Variants in SGCD observed in about 807,000 individuals in gnomAD.
The protein encoded by SGCD is sarcoglycan delta.
SGCD carries 18 observed loss-of-function variants against 36.6 expected under a neutral mutation model. The observed-to-expected ratio is 0.49, with a 90% CI of 0.34 to 0.73. The LOEUF (loss-of-function observed/expected upper bound fraction) is 0.73, where lower values mean the gene tolerates loss of function less well. Ranked by LOEUF, SGCD falls within the 30% of genes least tolerant of loss-of-function variation. The pLI is 0.01. For missense variants in SGCD, 387 were observed against 346.7 expected, an observed-to-expected ratio of 1.12 and a Z score of -0.92; for synonymous variants, 133 against 130.6, an observed-to-expected ratio of 1.02 and a Z score of -0.12.
At chr5:156,063,542 G>C (rs1367610145) in intron 1 of SGCD, among the ~76,000 whole-genome samples, 1 of 122,144 alleles carries the variant, frequency 8.2e-6, no homozygotes, top group Non-Finnish European at 1.7e-5. Flanking sequence ...CCATTTTCAC[G>C]ATATTGATTC....
intron 3 of SGCD, among the ~76,000 whole-genome samples, chr5:156,485,404 T>C (rs1350982609): frequency 1.3e-5 from 2 of 152,342 alleles, no homozygotes; most frequent in Middle Eastern, 3.4e-3. Context: ...GGCTCACACC[T>C]GTAATCCTAG....
chr5:156,267,826 C>G (rs747923616), intron 3 of SGCD, among the ~76,000 whole-genome samples: 1 of 152,124 alleles, frequency 6.6e-6, no homozygotes, highest in Non-Finnish European at 1.5e-5. Flanking sequence ...ATAATTCAAT[C>G]TTTTAGGCTG....
At chr5:156,586,484 T>G (rs1760500497) in intron 4 of SGCD, among the ~76,000 whole-genome samples, 1 of 152,256 alleles carries the variant, frequency 6.6e-6, no homozygotes, top group Admixed American at 6.5e-5. Context: ...ATGAAGATAC[T>G]AGGCACAGAT....
intron 6 of SGCD, among the ~76,000 whole-genome samples, chr5:156,613,907 T>C (rs1021254795): frequency 6.6e-6 from 1 of 152,212 alleles, no homozygotes; most frequent in Non-Finnish European, 1.5e-5. Context: ...TAAATGCATT[T>C]GATCCTCACA....
intron 3 of SGCD, among the ~76,000 whole-genome samples, chr5:156,474,202 G>A (rs911852752): frequency 6.6e-6 from 1 of 152,106 alleles, no homozygotes; most frequent in Non-Finnish European, 1.5e-5. Flanking sequence ...CCACAGGACA[G>A]TCCCCATGAA....
chr5:156,140,990 C>A (rs914857044), intron 3 of SGCD, among the ~76,000 whole-genome samples: 3 of 152,168 alleles, frequency 2.0e-5, no homozygotes, highest in Non-Finnish European at 4.4e-5. Flanking sequence ...AATCTTGAGG[C>A]TTGCTGCCCA....
intron 1 of SGCD, among the ~76,000 whole-genome samples, chr5:156,088,141 A>G (rs1259813484): frequency 1.3e-5 from 2 of 152,128 alleles, no homozygotes; most frequent in East Asian, 1.9e-4. Flanking sequence ...TTGAGGGGCT[A>G]TCTGACTTAA....
Position 156,767,689 on chromosome 5 carries a change from A to C in SGCD, c.*8299A>C, listed in dbSNP as rs1757618989. The C allele has an allele frequency of 6.6e-6, 1 of 152,198 alleles. No homozygotes were observed. The highest frequency in any genetic ancestry group is 6.5e-5 in the Admixed American group (1 of 15,280). The allele number at this position is 152,198 out of a possible 1,614,324, so 9.4% of individuals were successfully genotyped here. On this transcript the variant is annotated 3_prime_UTR_variant, in exon 9 of 9. Coordinates refer to ENST00000337851, the MANE Select transcript of SGCD (RefSeq NM_000337.6). ...CTATGAATTACAAGGAACTATTTTA[A>C]CTTTATTACACTTTCTGTATAAAAA... is the stretch of plus-strand genomic sequence containing the variant.
chr5:156,712,633 T>G (rs153843), intron 7 of SGCD, among the ~76,000 whole-genome samples: 126,692 of 152,126 alleles, frequency 0.83, 52,940 homozygotes, highest in Admixed American at 0.89. Context: ...CAGGAAACAC[T>G]AGAGGCAAGG....
Position 156,020,587 on chromosome 5 carries a change from G to T in SGCD, c.-281-97291G>T, listed in dbSNP as rs114315833. ...TTTATATTGGAGAACTTTGGCAAGG[G>T]TTATCAGTAGGATTAATTACTAGCA... On this transcript the variant is annotated intron_variant, in intron 1 of 9. Transcript: ENST00000517913. Among the ~76,000 whole-genome samples the T allele has an allele frequency of 3.8e-3, 575 of 152,178 alleles. 6 individuals are homozygous for T. Among genetic ancestry groups the T allele is most frequent in the African/African-American group, 0.013 (535 of 41,516 alleles).
intron 3 of SGCD, among the ~76,000 whole-genome samples, chr5:156,387,323 G>A (rs765736713): frequency 2.6e-5 from 4 of 152,146 alleles, no homozygotes; most frequent in Admixed American, 2.0e-4. Context: ...ATTGAACACC[G>A]GATTCAGAAA....
At chr5:156,055,091 G>C (rs1243101578) in intron 1 of SGCD, among the ~76,000 whole-genome samples, 1 of 146,308 alleles carries the variant, frequency 6.8e-6, no homozygotes, top group East Asian at 1.9e-4. Context: ...CAGGTAGTAT[G>C]TGAGAGAAAA....
At chr5:156,259,128 T>TTATG (rs1213097223) in intron 3 of SGCD, among the ~76,000 whole-genome samples, 6 of 150,734 alleles carry the variant, frequency 4.0e-5, no homozygotes, top group African/African-American at 7.3e-5. Flanking sequence ...ATTTATTTAT[T>TTATG]TATTTATTTA....
At chr5:155,967,828 C>T (rs562325294) in intron 1 of SGCD, among the ~76,000 whole-genome samples, 1 of 152,168 alleles carries the variant, frequency 6.6e-6, no homozygotes, top group Non-Finnish European at 1.5e-5. Context: ...GCTCCTGGAA[C>T]CAGAAGCCAC....
intron 3 of SGCD, among the ~76,000 whole-genome samples, chr5:156,221,344 C>T (rs958553649): frequency 2.6e-5 from 4 of 151,966 alleles, no homozygotes; most frequent in African/African-American, 9.7e-5. Flanking sequence ...AATCATTACC[C>T]TCTGTAAAAA....
intron 3 of SGCD, among the ~76,000 whole-genome samples, chr5:156,461,725 C>T (rs2127818031): frequency 6.6e-6 from 1 of 152,120 alleles, no homozygotes; most frequent in African/African-American, 2.4e-5. Context: ...CATATTTACT[C>T]AAGGAGCAAT....
chr5:156,571,051 A>T lies in SGCD; in HGVS notation c.295-18180A>T, dbSNP rs573790629. ...TTTCATCTTTTTTGTTTTTTGTTTC[A>T]TTTTGTTTTTGTTGAGACAGAGCCT... On this transcript the variant is annotated intron_variant, in intron 4 of 8. Transcript: ENST00000337851. Among the ~76,000 whole-genome samples, 24 of 146,536 alleles carry T rather than the reference A, an allele frequency of 1.6e-4. 1 individual carries two copies. Among genetic ancestry groups the T allele is most frequent in the African/African-American group, 4.8e-4 (19 of 39,608 alleles).
At chr5:155,852,369 T>C in the SGCD span, among the ~76,000 whole-genome samples, 2 of 152,148 alleles carry the variant, frequency 1.3e-5, no homozygotes, top group Non-Finnish European at 2.9e-5. Flanking sequence ...TTTAATGGTT[T>C]TTTGGTGTGT....
chr5:156,112,269 A>G (rs1356768933), intron 1 of SGCD, among the ~76,000 whole-genome samples: 1 of 152,196 alleles, frequency 6.6e-6, no homozygotes, highest in Non-Finnish European at 1.5e-5. Context: ...GCTAAGAACA[A>G]TTATCAAGCA....
Sources: allele counts gnomAD v4.1 joint callset (sites outside exome capture counted in the v4.1 genomes callset), GRCh38; gene constraint gnomAD v4.1.1; transcripts MANE v1.5; gene names NCBI Gene and HGNC (gene_info 2026-07-23, HGNC 2026-07-21).